Variants in ZC3H12C observed in about 807,000 individuals in gnomAD.
ZC3H12C encodes zinc finger CCCH-type containing 12C.
ZC3H12C carries 20 observed loss-of-function variants against 76.3 expected under a neutral mutation model. The observed-to-expected ratio is 0.26, with a 90% CI of 0.18 to 0.38. The LOEUF is 0.38. ZC3H12C is among the 10% of genes least tolerant of loss of function. The pLI is 1.00. For missense variants in ZC3H12C, 874 were observed against 1,086.5 expected (o/e 0.80, Z 2.75); for synonymous variants, 352 against 399.6 (o/e 0.88, Z 1.42).
intron 1 of ZC3H12C, among the ~76,000 whole-genome samples, chr11:110,093,973 G>A (rs927049111): frequency 1.3e-5 from 2 of 151,798 alleles, no homozygotes; most frequent in Non-Finnish European, 2.9e-5. Context: ...CTCCCCCCTC[G>A]TCCCTCCTTC....
In ZC3H12C at chr11:110,171,458, C is replaced by T. The variant is rs1296268639; in HGVS notation, c.*5721C>T. 1 of 152,092 alleles carries T rather than the reference C, an allele frequency of 6.6e-6. No individual in the cohort carries two copies. The highest frequency in any genetic ancestry group is 2.4e-5 in the African/African-American group (1 of 41,428). The allele number at this position is 152,092 out of a possible 1,614,324, so 9.4% of individuals were successfully genotyped here. A position where few individuals can be genotyped will look rare whatever the true frequency, so the allele number is the denominator to read the frequency against. ...TAAGGCAAAGGATGTGTAGTGCAAC[C>T]ATCTGATAAACTAGTGTGATTGTAT... is the stretch of plus-strand genomic sequence containing the variant. On this transcript the variant is annotated 3_prime_UTR_variant, in exon 6 of 6. Transcript: ENST00000278590.
At chr11:110,117,339 A>G (rs1332364767) in intron 1 of ZC3H12C, among the ~76,000 whole-genome samples, 1 of 152,204 alleles carries the variant, frequency 6.6e-6, no homozygotes, top group East Asian at 1.9e-4. Context: ...TGATTGTCTA[A>G]TAGATCATTT....
intron 3 of ZC3H12C, among the ~76,000 whole-genome samples, chr11:110,155,610 A>G (rs1382851492): frequency 6.6e-6 from 1 of 152,218 alleles, no homozygotes; most frequent in Non-Finnish European, 1.5e-5. Context: ...TATGCATTAG[A>G]ATATTCAGGC....
chr11:110,143,776 C>T (rs1411500101), intron 2 of ZC3H12C, among the ~76,000 whole-genome samples: 1 of 152,150 alleles, frequency 6.6e-6, no homozygotes, highest in Admixed American at 6.5e-5. Context: ...CCCACCTAAG[C>T]CTCCCACAAG....
chr11:110,093,536 G>C, intron 1 of ZC3H12C, 104 bp downstream of exon 1: 2 of 862,864 alleles, frequency 2.3e-6, no homozygotes, highest in Non-Finnish European at 3.0e-6. Flanking sequence ...GCGCCAGGCG[G>C]AGGGCGCCGG....
chr11:110,116,313 T>G (rs879388235), intron 1 of ZC3H12C, among the ~76,000 whole-genome samples: 4 of 152,248 alleles, frequency 2.6e-5, no homozygotes, highest in Non-Finnish European at 5.9e-5. Flanking sequence ...ATTTTTTTAA[T>G]AAAGAGGATA....
chr11:110,161,630 A>C (rs1035772194), intron 4 of ZC3H12C, among the ~76,000 whole-genome samples: 2 of 152,214 alleles, frequency 1.3e-5, no homozygotes, highest in Non-Finnish European at 2.9e-5. Context: ...AGGTTCACAG[A>C]AGCCTCAAGA....
At position 110,119,847 on chromosome 11, in the gene ZC3H12C, G is replaced by A. The variant is rs955353935; in HGVS notation, c.22-16816G>A. 7.9e-5 allele frequency among the ~76,000 whole-genome samples: 12 copies of A among 152,212 alleles called. No homozygotes were observed. The South Asian group carries it at 1.9e-3, about 24-fold the overall frequency. On this transcript the variant is annotated intron_variant, in intron 1 of 5. Transcript: ENST00000278590. ...GAGGGCACTAATCCCTTTCACAAGT[G>A]CGGAACCTTGTGATTTAATCACTTC...
chr11:110,148,815 A>G (rs1478322436), intron 2 of ZC3H12C, among the ~76,000 whole-genome samples: 1 of 152,238 alleles, frequency 6.6e-6, no homozygotes. Flanking sequence ...AATTAAAGCT[A>G]TGGTCCTTTT....
rs1006836250 is a variant in ZC3H12C at position 110,164,804 on chromosome 11, G to A, written c.1719G>A (p.Met573Ile). Residue 573 changes from methionine (M) to isoleucine (I), a missense_variant, in exon 6 of 6, where the codon ATG (methionine) becomes ATA (isoleucine). This residue lies in a region of ZC3H12C where 395 missense variants were observed against 434.4 expected (regional missense o/e 0.91). Coordinates refer to ENST00000278590, the MANE Select transcript of ZC3H12C (RefSeq NM_033390.2). The surrounding 1 kb of genome is among the most constrained non-coding windows in gnomAD (Gnocchi z 5.7). ...CAACCAAAAATCATGGAACGCCAAT[G>A]CCTTATGAACAGTATCCAAAATGTG... ...MMATKNHGTP[M>I]PYEQYPKCDS... 3 of 1,613,878 alleles carry A rather than the reference G, an allele frequency of 1.9e-6. No homozygotes were observed. The South Asian group carries it at 3.3e-5, about 18-fold the overall frequency.
chr11:110,104,519 A>T (rs1861283442), intron 1 of ZC3H12C, among the ~76,000 whole-genome samples: 1 of 152,182 alleles, frequency 6.6e-6, no homozygotes, highest in Admixed American at 6.5e-5. Flanking sequence ...AACATTATAT[A>T]TTAAATTAAA....
At chr11:110,109,031 C>T (rs116004505) in intron 1 of ZC3H12C, among the ~76,000 whole-genome samples, 155 of 152,204 alleles carry the variant, frequency 1.0e-3, no homozygotes, top group African/African-American at 3.5e-3. Context: ...TTTGAATATA[C>T]CGTATAATTT....
At chr11:110,131,052 G>A in intron 1 of ZC3H12C, 1 of 1,535,798 alleles carries the variant, frequency 6.5e-7, no homozygotes, top group Non-Finnish European at 8.7e-7. Context: ...TTGTGTTAAG[G>A]AGTTTACTGC....
intron 4 of ZC3H12C, among the ~76,000 whole-genome samples, chr11:110,159,935 A>T (rs1862449381): frequency 6.6e-6 from 1 of 152,260 alleles, no homozygotes; most frequent in African/African-American, 2.4e-5. Flanking sequence ...AACATCATAG[A>T]GTGTACTTAC....
At chr11:110,093,845 G>A (rs143529354) in intron 1 of ZC3H12C, among the ~76,000 whole-genome samples, 1 of 152,162 alleles carries the variant, frequency 6.6e-6, no homozygotes, top group Non-Finnish European at 1.5e-5. Flanking sequence ...ACTCGCGCGC[G>A]CTCGTGGGGC....
rs555382172 is a variant in ZC3H12C at position 110,126,887 on chromosome 11, TTATA to T, written c.22-9773_22-9770del. On this transcript the variant is annotated intron_variant, in intron 1 of 5. Coordinates refer to ENST00000278590, the MANE Select transcript of ZC3H12C (RefSeq NM_033390.2). Reference sequence around the variant, plus strand: ...TTAATACTTCTCTATGAGCTTTATTTTATATAAAGTTATTTATATTTGATGATTT... The same window carrying T: ...TTAATACTTCTCTATGAGCTTTATTTTAAAGTTATTTATATTTGATGATTT... Among the ~76,000 whole-genome samples the T allele has an allele frequency of 1.9e-3, 292 of 152,332 alleles. 1 individual carries two copies. Among genetic ancestry groups the T allele is most frequent in the Middle Eastern group, 3.4e-3 (1 of 294 alleles).
chr11:110,128,889 CAAAAAAAAA>C lies in ZC3H12C; in HGVS notation c.22-7760_22-7752del, dbSNP rs145436449. Among the ~76,000 whole-genome samples the C allele has an allele frequency of 2.0e-3, 188 of 94,152 alleles. 2 individuals carry two copies. The highest frequency in any genetic ancestry group is 5.7e-3 in the African/African-American group (154 of 27,246). 61.8% of individuals were successfully genotyped at this position (94,152 alleles called of 152,430 possible). A position where few individuals can be genotyped will look rare whatever the true frequency, so the allele number is the denominator to read the frequency against. ...CAAAAAGAACTATCACCACCACTAACAAAAAAAAAAAAAAAAAAAAAAGAGATAAAGTCT... is the reference window on the plus strand; with the variant it reads ...CAAAAAGAACTATCACCACCACTAACAAAAAAAAAAAAAGAGATAAAGTCT... On this transcript the variant is annotated intron_variant, in intron 1 of 5. Coordinates refer to ENST00000278590, the MANE Select transcript of ZC3H12C (RefSeq NM_033390.2).
intron 1 of ZC3H12C, among the ~76,000 whole-genome samples, chr11:110,102,823 A>G (rs1382406166): frequency 6.6e-6 from 1 of 152,236 alleles, no homozygotes; most frequent in Non-Finnish European, 1.5e-5. Flanking sequence ...GTCAGCAGCC[A>G]TCAACATTGA....
At chr11:110,149,523 G>A (rs1862231670) in intron 2 of ZC3H12C, among the ~76,000 whole-genome samples, 1 of 152,232 alleles carries the variant, frequency 6.6e-6, no homozygotes, top group African/African-American at 2.4e-5. Flanking sequence ...TCCCACCTGT[G>A]ATGTATGAGT....
Sources: allele counts gnomAD v4.1 joint callset (sites outside exome capture counted in the v4.1 genomes callset), GRCh38; gene constraint gnomAD v4.1.1; regional missense constraint gnomAD v4.1.1; non-coding constraint Gnocchi (gnomAD v3.1); transcripts MANE v1.5; gene names NCBI Gene and HGNC (gene_info 2026-07-23, HGNC 2026-07-21).